The following UBE2V1 variants were observed in gnomAD, a reference collection of about 807,000 sequenced individuals.
The protein encoded by UBE2V1 is ubiquitin-conjugating enzyme E2 variant 1.
A neutral mutation model predicts 19.6 loss-of-function variants in UBE2V1; 15 were observed. The observed-to-expected ratio is 0.77, with a 90% confidence interval of 0.51 to 1.18. The LOEUF (loss-of-function observed/expected upper bound fraction) is 1.18. UBE2V1 is among the 50% of genes most tolerant of loss of function. The pLI is 0.00. For missense variants in UBE2V1, 125 were observed against 184.8 expected, an observed-to-expected ratio of 0.68 and a Z score of 1.88; for synonymous variants, 60 against 60.7, an observed-to-expected ratio of 0.99 and a Z score of 0.05.
chr20:50,105,240 A>G (rs1331220246), intron 1 of UBE2V1, among the ~76,000 whole-genome samples: 1 of 152,228 alleles, frequency 6.6e-6, no homozygotes, highest in Non-Finnish European at 1.5e-5. Context: ...CTACAAAACA[A>G]AAGAGCATTT....
intron 2 of UBE2V1, among the ~76,000 whole-genome samples, chr20:50,088,357 T>C (rs941694328): frequency 2.6e-5 from 4 of 152,226 alleles, no homozygotes; most frequent in African/African-American, 7.2e-5. Flanking sequence ...TGTATCAACG[T>C]TGGTTTATTG....
intron 2 of UBE2V1, among the ~76,000 whole-genome samples, chr20:50,088,523 C>T (rs184794732): frequency 1.8e-4 from 28 of 152,256 alleles, no homozygotes; most frequent in African/African-American, 5.5e-4. Flanking sequence ...CGGTGGCCCA[C>T]GCCTGTAATC....
At chr20:50,085,085 T>A (rs537812579) in intron 2 of UBE2V1, among the ~76,000 whole-genome samples, 55 of 151,916 alleles carry the variant, frequency 3.6e-4, no homozygotes, top group Middle Eastern at 3.4e-3. Flanking sequence ...AGACAGGGTT[T>A]CTCCATGTTG....
intron 1 of UBE2V1, among the ~76,000 whole-genome samples, chr20:50,097,568 A>G (rs1197016948): frequency 6.6e-6 from 1 of 152,174 alleles, no homozygotes; most frequent in East Asian, 1.9e-4. Context: ...GGGCCAGACA[A>G]GGGAGGGGGC....
chr20:50,084,457 A>G (rs1484751284), intron 2 of UBE2V1: 3 of 887,340 alleles, frequency 3.4e-6, no homozygotes, highest in Non-Finnish European at 5.3e-6. Context: ...GGGGAATACA[A>G]AGAAGATGGA....
chr20:50,090,035 C>T (rs749180417), intron 2 of UBE2V1, among the ~76,000 whole-genome samples: 36 of 152,326 alleles, frequency 2.4e-4, no homozygotes, highest in Non-Finnish European at 4.4e-4. Flanking sequence ...TCCCCAAGTG[C>T]CAGGTTCTGA....
rs17725005 is a variant in UBE2V1, at chr20:50,102,468, C to T, written c.23-5648G>A. ...GGGTGTCATGACCCAGAATCACTAA[C>T]GTAAGGATACCTGGTCTACCACTCT... On this transcript the variant is annotated intron_variant, in intron 1 of 3. Coordinates refer to ENST00000371674, the MANE Select transcript of UBE2V1 (RefSeq NM_001032288.3). Among the ~76,000 whole-genome samples, 1,415 of 152,236 alleles carry T rather than the reference C, an allele frequency of 9.3e-3. 15 individuals carry two copies. The highest frequency in any genetic ancestry group is 0.013 in the Non-Finnish European group (866 of 68,000).
chr20:50,113,109 G>A lies in UBE2V1; in HGVS notation c.20C>T (p.Ser7Leu). MAATTG[S>L]GVKVPRNFRL... ...CCGGGCCCGGCGCCCCCGCTCACCC[G>A]AGCCCGTGGTGGCTGCCATCTTGCG... The change falls in exon 1 of 4, where the codon TCG (serine) becomes TTG (leucine). Residue 7 changes from serine to leucine, a missense_variant and splice_region_variant. By Grantham distance (145) the Ser-to-Leu change is moderately radical. Coordinates refer to ENST00000371674, the MANE Select transcript of UBE2V1 (RefSeq NM_001032288.3). 1.5e-6 allele frequency: 2 copies of A among 1,333,806 alleles called. No homozygotes were observed. Among genetic ancestry groups the A allele is most frequent in the Non-Finnish European group, 2.0e-6 (2 of 1,023,126 alleles). The allele number at this position is 1,333,806 out of a possible 1,614,324, so 82.6% of individuals were successfully genotyped here.
intron 3 of UBE2V1, chr20:50,083,831 C>T (rs2078754048): frequency 4.7e-6 from 1 of 213,448 alleles, no homozygotes; most frequent in Non-Finnish European, 9.3e-6. Flanking sequence ...TGGGAAAGAT[C>T]TTCCACGTCT....
rs1342416335 is a variant in UBE2V1, at chr20:50,102,957, G to A, written c.23-6137C>T. ...TCACCCTGGAATTCTCTGTCCCAGA[G>A]CTGTGAATGGCTGACTGGTTCCCTT... On this transcript the variant is annotated intron_variant, in intron 1 of 3. Coordinates refer to ENST00000371674, the MANE Select transcript of UBE2V1 (RefSeq NM_001032288.3). 2.0e-5 allele frequency among the ~76,000 whole-genome samples: 3 copies of A among 152,200 alleles called. 1 individual carries two copies. Among genetic ancestry groups the A allele is most frequent in the Admixed American group, 1.3e-4 (2 of 15,284 alleles).
At chr20:50,110,019 T>A (rs2080650358) in intron 1 of UBE2V1, among the ~76,000 whole-genome samples, 1 of 152,248 alleles carries the variant, frequency 6.6e-6, no homozygotes, top group African/African-American at 2.4e-5. Flanking sequence ...GGAAGACTAA[T>A]CTCTGCTGCC....
At chr20:50,090,862 A>G (rs942154805) in intron 2 of UBE2V1, among the ~76,000 whole-genome samples, 1 of 152,236 alleles carries the variant, frequency 6.6e-6, no homozygotes, top group African/African-American at 2.4e-5. Flanking sequence ...TGGTTGTGGT[A>G]ATCATTACAC....
chr20:50,098,071 C>A (rs75129054), intron 1 of UBE2V1, among the ~76,000 whole-genome samples: 2,033 of 151,988 alleles, frequency 0.013, 38 homozygotes, highest in African/African-American at 0.047. Context: ...CCTGGTGTTC[C>A]GGAGGAGGGA....
At chr20:50,102,798 A>G (rs1434014075) in intron 1 of UBE2V1, among the ~76,000 whole-genome samples, 1 of 152,294 alleles carries the variant, frequency 6.6e-6, no homozygotes, top group East Asian at 1.9e-4. Flanking sequence ...CCTGGCCGAG[A>G]GAGCCCCACC....
Position 50,113,113 on chromosome 20 carries a change from C to T in UBE2V1, c.16G>A (p.Gly6Ser). ...GCCCGGCGCCCCCGCTCACCCGAGC[C>T]CGTGGTGGCTGCCATCTTGCGTCGC... MAATT[G>S]SGVKVPRNFR... The change falls in exon 1 of 4, where the codon GGC becomes AGC. Residue 6 changes from glycine to serine, a missense_variant. Gly to Ser is a moderately conservative substitution (Grantham distance 56, BLOSUM62 0). Coordinates refer to ENST00000371674, the MANE Select transcript of UBE2V1 (RefSeq NM_001032288.3). 1 of 1,358,412 alleles carries T rather than the reference C, an allele frequency of 7.4e-7. No individual in the cohort carries two copies. The highest frequency in any genetic ancestry group is 9.6e-7 in the Non-Finnish European group (1 of 1,037,388). The allele number at this position is 1,358,412 out of a possible 1,614,324, so 84.1% of individuals were successfully genotyped here. A position where few individuals can be genotyped will look rare whatever the true frequency, so the allele number is the denominator to read the frequency against.
rs951289370 is a variant in UBE2V1, at chr20:50,096,405, T to C, written c.171+267A>G. 13 of 682,204 alleles carry C rather than the reference T, an allele frequency of 1.9e-5. No individual in the cohort carries two copies. In the African/African-American group the frequency reaches 2.2e-4, roughly 11 times the overall value. 42.3% of individuals were successfully genotyped at this position (682,204 alleles called of 1,614,324 possible). A position where few individuals can be genotyped will look rare whatever the true frequency, so the allele number is the denominator to read the frequency against. On this transcript the variant is annotated intron_variant, in intron 2 of 3. Transcript: ENST00000371674. ...AGAGATTGTTCTGAACGACATCTGA[T>C]GGTGCAATGACTTCACACCTCACTG...
intron 2 of UBE2V1, chr20:50,095,917 G>T: frequency 6.6e-6 from 1 of 152,234 alleles, no homozygotes; most frequent in Admixed American, 6.5e-5. Context: ...TCTGGTTTGG[G>T]GGTTACCAGC....
chr20:50,109,103 G>T, intron 1 of UBE2V1: 1 of 985,432 alleles, frequency 1.0e-6, no homozygotes, highest in Non-Finnish European at 1.2e-6. Context: ...CCCCTGGCTG[G>T]TGACCAGGCT....
In UBE2V1 at chr20:50,109,033, C is replaced by T. The variant is rs142171024; in HGVS notation, c.22+4074G>A. 1.9e-4 allele frequency: 190 copies of T among 985,398 alleles called. 1 individual carries two copies. The East Asian group carries it at 1.0e-2, about 52-fold the overall frequency. 61.0% of individuals were successfully genotyped at this position (985,398 alleles called of 1,614,324 possible). A position where few individuals can be genotyped will look rare whatever the true frequency, so the allele number is the denominator to read the frequency against. ...AGTTAAAAATGCCTGGGCTCTAGTCCGAGCATCACCAGTCTCCCTTGGCTT... is the reference window on the plus strand; with the variant it reads ...AGTTAAAAATGCCTGGGCTCTAGTCTGAGCATCACCAGTCTCCCTTGGCTT... On this transcript the variant is annotated intron_variant, in intron 1 of 3. Coordinates refer to ENST00000371674, the MANE Select transcript of UBE2V1 (RefSeq NM_001032288.3).
Sources: gnomAD v4.1 joint callset for allele counts (sites outside exome capture counted in the v4.1 genomes callset) on GRCh38, gnomAD v4.1.1 for gene constraint, MANE v1.5 for transcripts, NCBI Gene and HGNC (gene_info 2026-07-23, HGNC 2026-07-21) for gene names.